Variants in MMRN1 observed in about 807,000 individuals in gnomAD.
MMRN1 encodes multimerin 1, also known as multimerin-1.
In MMRN1, 94 loss-of-function variants were observed where a neutral mutation model predicts 100.7. That is an observed-to-expected ratio of 0.93 (90% confidence interval 0.79 to 1.11). The LOEUF (loss-of-function observed/expected upper bound fraction) is 1.11, where lower values mean the gene tolerates loss of function less well. MMRN1 is among the 50% of genes least tolerant of loss of function. The probability of loss-of-function intolerance (pLI) is 0.00; values close to 1 mark genes in which losing one functional copy is unlikely to be tolerated. For synonymous variants in MMRN1, 575 were observed against 505.0 expected, an observed-to-expected ratio of 1.14 and a Z score of -1.86; for missense variants, 1,606 against 1,439.1, an observed-to-expected ratio of 1.12 and a Z score of -1.88.
At chr4:89,933,246 C>T (rs1722498197) in intron 5 of MMRN1, among the ~76,000 whole-genome samples, 2 of 152,166 alleles carry the variant, frequency 1.3e-5, no homozygotes, top group African/African-American at 2.4e-5. Context: ...TGTTCCTCAT[C>T]TCCATCTGAG....
intron 2 of MMRN1, 97 bp downstream of exon 2, chr4:89,909,492 AGTAGG>A: frequency 6.9e-7 from 1 of 1,444,530 alleles, no homozygotes; most frequent in East Asian, 2.5e-5. Context: ...CATAATACAT[AGTAGG>A]GTCAGGGGAT....
At chr4:89,928,877 C>T (rs564546313) in intron 5 of MMRN1, among the ~76,000 whole-genome samples, 1 of 152,188 alleles carries the variant, frequency 6.6e-6, no homozygotes, top group South Asian at 2.1e-4. Flanking sequence ...TTCATGGATA[C>T]AGGGAATTAG....
At chr4:89,946,211 G>C (rs996646733) in intron 6 of MMRN1, among the ~76,000 whole-genome samples, 2 of 152,108 alleles carry the variant, frequency 1.3e-5, no homozygotes, top group South Asian at 4.1e-4. Flanking sequence ...GAAACATAAA[G>C]AAAAGTGCAA....
At chr4:89,947,217 G>A (rs1723015697) in intron 6 of MMRN1, among the ~76,000 whole-genome samples, 1 of 152,144 alleles carries the variant, frequency 6.6e-6, no homozygotes, top group South Asian at 2.1e-4. Flanking sequence ...AGGAGGCAGA[G>A]GTTGCAGTGA....
chr4:89,913,504 A>C (rs1307762733), intron 3 of MMRN1, among the ~76,000 whole-genome samples: 1 of 151,342 alleles, frequency 6.6e-6, no homozygotes, highest in Non-Finnish European at 1.5e-5. Flanking sequence ...GACTACATAC[A>C]TGTAGGAAGA....
At chr4:89,903,392 T>G (rs1385211867) in intron 1 of MMRN1, among the ~76,000 whole-genome samples, 1 of 151,614 alleles carries the variant, frequency 6.6e-6, no homozygotes, top group Non-Finnish European at 1.5e-5. Flanking sequence ...TCATCTGAAT[T>G]GAACATAAAT....
At chr4:89,924,223 A>G (rs1193186455) in intron 4 of MMRN1, among the ~76,000 whole-genome samples, 2 of 152,196 alleles carry the variant, frequency 1.3e-5, no homozygotes, top group Non-Finnish European at 2.9e-5. Flanking sequence ...AAGATGAGCC[A>G]TCAGCTCTGT....
intron 6 of MMRN1, among the ~76,000 whole-genome samples, chr4:89,937,535 T>C (rs1386984955): frequency 6.6e-6 from 1 of 152,064 alleles, no homozygotes; most frequent in Non-Finnish European, 1.5e-5. Flanking sequence ...TTGAGGAACA[T>C]CAAATCTTGA....
chr4:89,887,235 T>A lies in MMRN1; in HGVS notation c.-248-7489T>A, dbSNP rs150482481. Among the ~76,000 whole-genome samples the A allele has an allele frequency of 3.1e-3, 471 of 152,142 alleles. 3 individuals carry two copies. Among genetic ancestry groups the A allele is most frequent in the African/African-American group, 0.011 (452 of 41,520 alleles). On this transcript the variant is annotated intron_variant, in intron 1 of 8. Transcript: ENST00000394980. ...AAAGTGTCCACACTACCCAAAGCGATCTACAGATTTAATGCAATCCCTATC... is the reference window on the plus strand; with the variant it reads ...AAAGTGTCCACACTACCCAAAGCGAACTACAGATTTAATGCAATCCCTATC...
chr4:89,913,124 C>CCTGATAT (rs1346634974), intron 3 of MMRN1, among the ~76,000 whole-genome samples: 4 of 150,874 alleles, frequency 2.7e-5, no homozygotes, highest in Non-Finnish European at 5.9e-5. Flanking sequence ...CAAATATGGC[C>CCTGATAT]CTGATTTCTG....
intron 6 of MMRN1, among the ~76,000 whole-genome samples, chr4:89,948,354 G>A (rs2110654957): frequency 1.3e-5 from 2 of 152,254 alleles, no homozygotes; most frequent in Admixed American, 6.5e-5. Context: ...AAAGATAGGG[G>A]AGGGTGGCTG....
chr4:89,942,077 G>A (rs1722848969), intron 6 of MMRN1, among the ~76,000 whole-genome samples: 3 of 152,078 alleles, frequency 2.0e-5, no homozygotes, highest in African/African-American at 7.2e-5. Context: ...GACGTTTAAT[G>A]ATCACATTCT....
At position 89,926,615 on chromosome 4, in the gene MMRN1, C is replaced by A. The variant is rs992386032; in HGVS notation, c.956-1180C>A. Among the ~76,000 whole-genome samples the A allele has an allele frequency of 8.6e-5, 13 of 152,032 alleles. 1 individual carries two copies. The highest frequency in any genetic ancestry group is 3.1e-4 in the African/African-American group (13 of 41,402). ...TTTGTTGGTTGTTTCTTTTGCTGTG[C>A]AGAAGCTTTTTAACTTGATGTGATC... On this transcript the variant is annotated intron_variant, in intron 4 of 7. Transcript: ENST00000264790.
rs1723277442 is a variant in MMRN1, at chr4:89,954,175, T to C, written c.*757T>C. The C allele has an allele frequency of 1.3e-5, 2 of 152,200 alleles. No individual in the cohort carries two copies. Among genetic ancestry groups the C allele is most frequent in the Admixed American group, 6.5e-5 (1 of 15,270 alleles). 9.4% of individuals were successfully genotyped at this position (152,200 alleles called of 1,614,324 possible). A position where few individuals can be genotyped will look rare whatever the true frequency, so the allele number is the denominator to read the frequency against. ...ACCTACAGATCTGCCCTTCTTCTTC[T>C]AAAGGGTAAGTCATAATCTGTGTAA... On this transcript the variant is annotated 3_prime_UTR_variant, in exon 8 of 8. Transcript: ENST00000264790.
At chr4:89,938,492 TATATATATATATATATATATTTAAA>T (rs1268617254) in intron 6 of MMRN1, among the ~76,000 whole-genome samples, 8 of 90,586 alleles carry the variant, frequency 8.8e-5, no homozygotes, top group Non-Finnish European at 1.7e-4. Flanking sequence ...TATATATATA[TATATATATATATATATATATTTAAA>T]ATATATATAT....
intron 1 of MMRN1, among the ~76,000 whole-genome samples, chr4:89,888,734 A>G (rs903397466): frequency 2.6e-5 from 4 of 152,098 alleles, no homozygotes; most frequent in Admixed American, 6.6e-5. Context: ...CAAGCTTATC[A>G]AATGACTTCT....
chr4:89,928,048 G>T (rs957730087), intron 5 of MMRN1, 80 bp downstream of exon 5: 15 of 1,194,618 alleles, frequency 1.3e-5, no homozygotes, highest in South Asian at 1.8e-5. Flanking sequence ...ACATCACTTT[G>T]GGATCTTTGC....
intron 1 of MMRN1, among the ~76,000 whole-genome samples, chr4:89,905,009 AAG>A (rs1421380792): frequency 1.3e-5 from 2 of 151,744 alleles, no homozygotes; most frequent in East Asian, 1.9e-4. Flanking sequence ...ATTTTTTAAA[AAG>A]AGAGGGGGGG....
At chr4:89,929,097 A>T (rs1722355773) in intron 5 of MMRN1, among the ~76,000 whole-genome samples, 1 of 152,156 alleles carries the variant, frequency 6.6e-6, no homozygotes, top group South Asian at 2.1e-4. Flanking sequence ...GGTTTCGGGT[A>T]GGGCAAGGAT....
Sources: gnomAD v4.1 joint callset for allele counts (sites outside exome capture counted in the v4.1 genomes callset) on GRCh38, gnomAD v4.1.1 for gene constraint, MANE v1.5 for transcripts, NCBI Gene and HGNC (gene_info 2026-07-23, HGNC 2026-07-21) for gene names.